Variants in PGAP1 observed in about 807,000 individuals in gnomAD.
PGAP1 encodes GPI inositol-deacylase.
Under a neutral mutation model 127.0 loss-of-function variants are expected in PGAP1, and 76 were observed. The observed-to-expected ratio is 0.60, with a 90% CI of 0.50 to 0.72. The LOEUF is 0.72. Ranked by LOEUF, PGAP1 falls within the 30% of genes least tolerant of loss-of-function variation. The pLI, the probability that PGAP1 is intolerant of heterozygous loss-of-function variation, is 0.00. For synonymous variants in PGAP1, 362 were observed against 366.5 expected, an observed-to-expected ratio of 0.99 and a Z score of 0.14; for missense variants, 982 against 1,071.3, an observed-to-expected ratio of 0.92 and a Z score of 1.16.
intron 7 of PGAP1, among the ~76,000 whole-genome samples, chr2:196,896,567 C>T (rs370704950): frequency 4.6e-5 from 7 of 151,772 alleles, no homozygotes; most frequent in Non-Finnish European, 1.0e-4. Flanking sequence ...AAAAGAAGGC[C>T]GGGTGTAGTA....
intron 4 of PGAP1, among the ~76,000 whole-genome samples, chr2:196,905,662 GTGATTTC>G (rs1227342100): frequency 1.3e-5 from 2 of 151,726 alleles, no homozygotes; most frequent in East Asian, 3.9e-4. Flanking sequence ...CAGAAGACGG[GTGATTTC>G]TGCATTTCCA....
In PGAP1 at chr2:196,837,300, G is replaced by A. The variant is rs1326874229; in HGVS notation, c.*3934C>T. ...TAATAAACAGCAAGATGAAATGAAT[G>A]CACTATACTAAATGTGAGAAGTCTG... On this transcript the variant is annotated 3_prime_UTR_variant, in exon 27 of 27. Transcript: ENST00000354764. 1 of 152,134 alleles carries A rather than the reference G, an allele frequency of 6.6e-6. No individual in the cohort carries two copies. The highest frequency in any genetic ancestry group is 1.5e-5 in the Non-Finnish European group (1 of 68,008). 9.4% of individuals were successfully genotyped at this position (152,134 alleles called of 1,614,324 possible).
Position 196,845,851 on chromosome 2 carries a change from CA to C in PGAP1, c.2286+30del. ...ACATGTATGTGCCTAATACAAAGCT[CA>C]ATCATTTTGGCTTTACTGATTTGAC... On this transcript the variant is annotated intron_variant, in intron 23 of 26. Transcript: ENST00000354764. 6 of 1,564,680 alleles carry C rather than the reference CA, an allele frequency of 3.8e-6. No individual in the cohort carries two copies. In the East Asian group the frequency reaches 1.4e-4, roughly 36 times the overall value.
chr2:196,869,144 G>A (rs1701333592), intron 19 of PGAP1, among the ~76,000 whole-genome samples: 1 of 151,982 alleles, frequency 6.6e-6, no homozygotes, highest in Non-Finnish European at 1.5e-5. Flanking sequence ...TCCTCTTTTG[G>A]TTTACAATTA....
At position 196,847,213 on chromosome 2, in the gene PGAP1, G is replaced by T. The variant is rs557294047; in HGVS notation, c.1953-13C>A. ...AAACCATTTATACCTGTGGAGAAAA[G>T]AAAATATAAAAGCAAAAAACCCAAC... On this transcript the variant is annotated splice_polypyrimidine_tract_variant and intron_variant, in intron 21 of 26. Transcript: ENST00000354764. The T allele has an allele frequency of 4.4e-6, 7 of 1,585,158 alleles. No individual in the cohort carries two copies. In the African/African-American group the frequency reaches 5.4e-5, roughly 12 times the overall value.
At chr2:196,860,076 G>T (rs1326151120) in intron 20 of PGAP1, among the ~76,000 whole-genome samples, 1 of 151,970 alleles carries the variant, frequency 6.6e-6, no homozygotes, top group Non-Finnish European at 1.5e-5. Context: ...AGTTATCCTT[G>T]TTCACAGATG....
chr2:196,880,160 TA>T lies in PGAP1; in HGVS notation c.1273-8del, dbSNP rs3835877. On this transcript the variant is annotated splice_polypyrimidine_tract_variant and splice_region_variant and intron_variant, in intron 12 of 26. Transcript: ENST00000354764. ...GAAGTCTTAATGTCAGATACTAAAA[TA>T]AAAAAAAAAGAAACTACTTTTATTT... 6,406 of 1,326,654 alleles carry T rather than the reference TA, an allele frequency of 4.8e-3. No individual in the cohort carries two copies. Among genetic ancestry groups the T allele is most frequent in the East Asian group, 5.3e-3 (193 of 36,092 alleles). The allele number at this position is 1,326,654 out of a possible 1,614,324, so 82.2% of individuals were successfully genotyped here.
chr2:196,916,644 T>C, intron 2 of PGAP1, 51 bp from the exon 3 acceptor site: 1 of 1,476,926 alleles, frequency 6.8e-7, no homozygotes, highest in Non-Finnish European at 9.0e-7. Flanking sequence ...ACAGGTTTCA[T>C]CCATTCTTTC....
intron 4 of PGAP1, among the ~76,000 whole-genome samples, chr2:196,904,918 A>G (rs1702643694): frequency 6.6e-6 from 1 of 152,180 alleles, no homozygotes; most frequent in Non-Finnish European, 1.5e-5. Context: ...ATTGAAAGGC[A>G]GTATTTTCAA....
chr2:196,838,577 T>C lies in PGAP1; in HGVS notation c.*2657A>G, dbSNP rs570302334. Reference sequence around the variant, plus strand: ...ATATGTGTCTGTATATATACACATATAATGGCTAAAGACCCAACCTACTAT... The same window carrying C: ...ATATGTGTCTGTATATATACACATACAATGGCTAAAGACCCAACCTACTAT... On this transcript the variant is annotated 3_prime_UTR_variant, in exon 27 of 27. Transcript: ENST00000354764. 1.3e-5 allele frequency: 2 copies of C among 152,322 alleles called. No homozygotes were observed. Among genetic ancestry groups the C allele is most frequent in the South Asian group, 4.1e-4 (2 of 4,826 alleles). The allele number at this position is 152,322 out of a possible 1,614,324, so 9.4% of individuals were successfully genotyped here.
intron 17 of PGAP1, 58 bp downstream of exon 17, chr2:196,872,902 C>A (rs747666492): frequency 1.6e-4 from 110 of 682,688 alleles, no homozygotes; most frequent in Non-Finnish European, 2.7e-4. Flanking sequence ...ATAAACTAAG[C>A]AGAATATCTA....
intron 10 of PGAP1, among the ~76,000 whole-genome samples, chr2:196,886,397 G>A (rs1701904555): frequency 6.6e-6 from 1 of 151,924 alleles, no homozygotes; most frequent in African/African-American, 2.4e-5. Flanking sequence ...CTGACCTCAA[G>A]TGATCTGCCC....
chr2:196,917,864 T>C (rs962191129), intron 2 of PGAP1, among the ~76,000 whole-genome samples: 3 of 152,118 alleles, frequency 2.0e-5, no homozygotes, highest in African/African-American at 7.2e-5. Context: ...AGTGGAATTT[T>C]TGGGCCACAT....
At chr2:196,868,669 A>G (rs529930564) in intron 19 of PGAP1, among the ~76,000 whole-genome samples, 24 of 152,328 alleles carry the variant, frequency 1.6e-4, no homozygotes, top group African/African-American at 4.8e-4. Flanking sequence ...CTTTCAGTTC[A>G]TGCTTTGCCC....
chr2:196,904,835 T>G (rs1405186199), intron 4 of PGAP1, among the ~76,000 whole-genome samples: 1 of 152,124 alleles, frequency 6.6e-6, no homozygotes, highest in Non-Finnish European at 1.5e-5. Context: ...CTTCTCACCC[T>G]GTGGGAAAGG....
intron 25 of PGAP1, among the ~76,000 whole-genome samples, chr2:196,843,163 A>G (rs542437744): frequency 6.6e-6 from 1 of 152,308 alleles, no homozygotes; most frequent in African/African-American, 2.4e-5. Context: ...CTATAACAAA[A>G]AAGATAAAAT....
In PGAP1 at chr2:196,912,893, C is replaced by G; in HGVS notation, c.638G>C (p.Arg213Pro). Residue 213 changes from arginine (R) to proline (P), a missense_variant, in exon 4 of 27, where the codon CGT becomes CCT. By Grantham distance (103) the Arg-to-Pro change is moderately radical (BLOSUM62 -2). Coordinates refer to ENST00000354764, the MANE Select transcript of PGAP1 (RefSeq NM_024989.4). ...GTAACAGTACTCACCTGTAATGAAA[C>G]GATCTAATGGCATCACAGGAGCAAC... ...PHVAPVMPLDRFITDFYTTVN... is the reference protein window; with the variant it reads ...PHVAPVMPLDPFITDFYTTVN... 1 of 1,606,512 alleles carries G rather than the reference C, an allele frequency of 6.2e-7. No homozygotes were observed. The highest frequency in any genetic ancestry group is 8.5e-7 in the Non-Finnish European group (1 of 1,176,880).
intron 20 of PGAP1, 90 bp downstream of exon 20, chr2:196,864,897 A>ATT (rs1359405206): frequency 1.7e-6 from 1 of 575,532 alleles, no homozygotes; most frequent in Non-Finnish European, 2.8e-6. Flanking sequence ...ATATAACAGA[A>ATT]TTATATATAT....
rs1254664337 is a variant in PGAP1 at position 196,836,149 on chromosome 2, TACAG to T, written c.*5081_*5084del. 15 of 152,430 alleles carry T rather than the reference TACAG, an allele frequency of 9.8e-5. No homozygotes were observed. Among genetic ancestry groups the T allele is most frequent in the African/African-American group, 2.9e-4 (12 of 41,410 alleles). The allele number at this position is 152,430 out of a possible 1,614,324, so 9.4% of individuals were successfully genotyped here. ...TCAAAGTTACAATGTACAGAATGAG[TACAG>T]ACAGATTCTGACTCATATATCAAGT... On this transcript the variant is annotated 3_prime_UTR_variant, in exon 27 of 27. Transcript: ENST00000354764.
Sources: gnomAD v4.1 joint callset for allele counts (sites outside exome capture counted in the v4.1 genomes callset) on GRCh38, gnomAD v4.1.1 for gene constraint, MANE v1.5 for transcripts, NCBI Gene and HGNC (gene_info 2026-07-23, HGNC 2026-07-21) for gene names.